WWOX: variants seen among roughly 807,000 people sequenced by gnomAD.
WWOX encodes WW domain containing oxidoreductase, also known as WW domain-containing oxidoreductase.
In WWOX, 69 loss-of-function variants were observed where a neutral mutation model predicts 46.2. That is an observed-to-expected ratio of 1.49 (90% CI 1.23 to 1.82). The LOEUF (loss-of-function observed/expected upper bound fraction) is 1.82. Among genes scored for constraint, WWOX ranks in the 40% most tolerant of loss-of-function variants. The pLI is 0.00. For synonymous variants in WWOX, 359 were observed against 202.6 expected (o/e 1.77, Z -6.56); for missense variants, 919 against 542.6 (o/e 1.69, Z -6.89).
At chr16:78,450,960 G>C (rs73572886) in intron 8 of WWOX, among the ~76,000 whole-genome samples, 1,650 of 152,260 alleles carry the variant, frequency 0.011, 55 homozygotes, top group East Asian at 0.1. Context: ...GGAAGGAGCT[G>C]GCATATTTCT....
intron 5 of WWOX, among the ~76,000 whole-genome samples, chr16:78,241,494 T>C (rs546504648): frequency 1.3e-5 from 2 of 152,242 alleles, no homozygotes; most frequent in East Asian, 1.9e-4. Context: ...AGTGGCGCCA[T>C]CTCGGCTCAC....
In WWOX at chr16:78,267,718, A is replaced by T. The variant is rs996986139; in HGVS notation, c.516+103429A>T. On this transcript the variant is annotated intron_variant, in intron 5 of 8. Coordinates refer to ENST00000566780, the MANE Select transcript of WWOX (RefSeq NM_016373.4). ...CTGCTCCCTACACTGCTTCAGATCC[A>T]CTTGTCCACTTGTAGTGAGGGATAG... Among the ~76,000 whole-genome samples, 10 of 152,288 alleles carry T rather than the reference A, an allele frequency of 6.6e-5. No individual in the cohort carries two copies. The East Asian group carries it at 1.9e-3, about 29-fold the overall frequency.
intron 1 of WWOX, among the ~76,000 whole-genome samples, chr16:78,107,156 C>T (rs1053200653): frequency 6.6e-6 from 1 of 152,194 alleles, no homozygotes; most frequent in African/African-American, 2.4e-5. Context: ...ATATAACTTT[C>T]TGGGTTGGCA....
chr16:78,872,049 G>C (rs562801574), intron 8 of WWOX, among the ~76,000 whole-genome samples: 22 of 152,202 alleles, frequency 1.4e-4, no homozygotes, highest in African/African-American at 5.3e-4. Context: ...CAAAATTTCT[G>C]TCAACCCTTC....
chr16:79,019,187 A>ATAAAG (rs141398678), intron 8 of WWOX, among the ~76,000 whole-genome samples: 1 of 81,858 alleles, frequency 1.2e-5, no homozygotes, highest in Admixed American at 1.5e-4. Flanking sequence ...AAAAAAAAAG[A>ATAAAG]AAAAAAAAAG....
At chr16:79,165,054 T>C (rs555661456) in intron 8 of WWOX, among the ~76,000 whole-genome samples, 2 of 151,942 alleles carry the variant, frequency 1.3e-5, no homozygotes, top group South Asian at 4.1e-4. Flanking sequence ...GGGAGGACCA[T>C]AGTTGTTTCT....
chr16:78,150,865 A>C (rs1263821529), intron 4 of WWOX, among the ~76,000 whole-genome samples: 2 of 151,936 alleles, frequency 1.3e-5, no homozygotes, highest in Non-Finnish European at 2.9e-5. Context: ...CACATTGCTC[A>C]GAAAATTTCA....
Position 78,390,047 on chromosome 16 carries a change from C to G in WWOX, c.605+3099C>G, listed in dbSNP as rs1393876805. 2.6e-5 allele frequency among the ~76,000 whole-genome samples: 4 copies of G among 152,134 alleles called. No individual in the cohort carries two copies. In the East Asian group the frequency reaches 5.8e-4, roughly 22 times the overall value. On this transcript the variant is annotated intron_variant, in intron 6 of 8. Transcript: ENST00000566780. ...CAGGCGTGAGCCACCCTGCCCGACCCTTTCATTTTAAATGTGATAGAAACA... is the reference window on the plus strand; with the variant it reads ...CAGGCGTGAGCCACCCTGCCCGACCGTTTCATTTTAAATGTGATAGAAACA...
intron 8 of WWOX, among the ~76,000 whole-genome samples, chr16:78,522,072 T>C (rs919602426): frequency 6.6e-6 from 1 of 151,592 alleles, no homozygotes; most frequent in African/African-American, 2.4e-5. Flanking sequence ...CCCACGTCTG[T>C]CTACATCCAC....
At chr16:79,189,613 T>G (rs2150804529) in intron 8 of WWOX, among the ~76,000 whole-genome samples, 1 of 152,082 alleles carries the variant, frequency 6.6e-6, no homozygotes, top group South Asian at 2.1e-4. Context: ...GGAAAGCATA[T>G]TTTTGAGGAA....
intron 8 of WWOX, among the ~76,000 whole-genome samples, chr16:78,474,845 G>A (rs79538907): frequency 3.9e-5 from 6 of 152,150 alleles, no homozygotes; most frequent in Non-Finnish European, 4.4e-5. Context: ...GTGGTTCTTT[G>A]TGAGTGGTCC....
At chr16:78,884,157 A>G (rs900551364) in intron 8 of WWOX, among the ~76,000 whole-genome samples, 2 of 150,398 alleles carry the variant, frequency 1.3e-5, no homozygotes, top group African/African-American at 4.9e-5. Context: ...CTGTAGTCCT[A>G]GTTACTCGGG....
intron 8 of WWOX, among the ~76,000 whole-genome samples, chr16:78,749,067 C>G (rs931953146): frequency 6.6e-6 from 1 of 152,228 alleles, no homozygotes; most frequent in Admixed American, 6.5e-5. Flanking sequence ...TTGCTGATCA[C>G]ATGGTCTGGA....
At chr16:78,166,654 G>C (rs771550210) in intron 5 of WWOX, 1 of 151,720 alleles carries the variant, frequency 6.6e-6, no homozygotes, top group Non-Finnish European at 1.5e-5. Context: ...CACCTCCTGC[G>C]TTCAAGCAAT....
chr16:78,819,586 G>T (rs1011375334), intron 8 of WWOX, among the ~76,000 whole-genome samples: 1 of 152,174 alleles, frequency 6.6e-6, no homozygotes, highest in Non-Finnish European at 1.5e-5. Flanking sequence ...TGCATGTGGG[G>T]TAGCCCTGTT....
At position 79,211,801 on chromosome 16, in the gene WWOX, A is replaced by C. The variant is rs1467795817; in HGVS notation, c.*5A>C. ...CTTGGCAGCCAGTCCGGCTAAGTGG[A>C]GCTCAGAGCGGATGGGCACACACAC... On this transcript the variant is annotated 3_prime_UTR_variant, in exon 9 of 9. Transcript: ENST00000566780. The C allele has an allele frequency of 2.5e-6, 4 of 1,614,046 alleles. No homozygotes were observed. The highest frequency in any genetic ancestry group is 3.4e-6 in the Non-Finnish European group (4 of 1,179,976).
At position 78,278,304 on chromosome 16, in the gene WWOX, A is replaced by G. The variant is rs118022813; in HGVS notation, c.517-108556A>G. Among the ~76,000 whole-genome samples, 67 of 152,280 alleles carry G rather than the reference A, an allele frequency of 4.4e-4. 2 individuals carry two copies. In the East Asian group the frequency reaches 0.012, roughly 28 times the overall value. The stretch of plus-strand genomic sequence containing the variant: ...CCGCAAGGGTACTTCTCTGCCAAGT[A>G]TAGTAATATTGTTGTAGCAGTGTTC... On this transcript the variant is annotated intron_variant, in intron 5 of 8. Coordinates refer to ENST00000566780, the MANE Select transcript of WWOX (RefSeq NM_016373.4).
chr16:78,308,124 C>T (rs933679080), intron 5 of WWOX, among the ~76,000 whole-genome samples: 8 of 152,168 alleles, frequency 5.3e-5, no homozygotes, highest in African/African-American at 1.4e-4. Flanking sequence ...ATGGTGAGAG[C>T]TTTGGAAATA....
chr16:78,936,833 C>G (rs534057998), intron 8 of WWOX, among the ~76,000 whole-genome samples: 1 of 152,150 alleles, frequency 6.6e-6, no homozygotes, highest in African/African-American at 2.4e-5. Flanking sequence ...CTGTCAGGCT[C>G]ACATAAAATT....
Sources: allele counts gnomAD v4.1 joint callset (sites outside exome capture counted in the v4.1 genomes callset), GRCh38; gene constraint gnomAD v4.1.1; transcripts MANE v1.5; gene names NCBI Gene and HGNC (gene_info 2026-07-23, HGNC 2026-07-21).